Variants in SLC14A2 observed in about 807,000 individuals in gnomAD.
The protein encoded by SLC14A2 is urea transporter 2.
Under a neutral mutation model 104.6 loss-of-function variants are expected in SLC14A2, and 91 were observed. That is an observed-to-expected ratio of 0.87 (90% CI 0.73 to 1.04). The LOEUF is 1.04. SLC14A2 is among the 50% of genes least tolerant of loss of function. SLC14A2 has a pLI of 0.00. For missense variants in SLC14A2, 1,189 were observed against 1,156.0 expected (o/e 1.03, Z -0.41); for synonymous variants, 476 against 466.4 (o/e 1.02, Z -0.27).
chr18:45,248,343 A>C (rs1416163231), intron 1 of SLC14A2, among the ~76,000 whole-genome samples: 1 of 152,124 alleles, frequency 6.6e-6, no homozygotes, highest in Non-Finnish European at 1.5e-5. Context: ...TCTGTTCTTG[A>C]GACATGAGGG....
At chr18:45,409,863 A>G (rs562416485) in intron 1 of SLC14A2, among the ~76,000 whole-genome samples, 2 of 152,318 alleles carry the variant, frequency 1.3e-5, no homozygotes, top group South Asian at 2.1e-4. Flanking sequence ...GGATGATTCA[A>G]GCACATTACA....
Position 45,624,743 on chromosome 18 carries a change from A to G in SLC14A2, c.79A>G (p.Ser27Gly). The change falls in exon 2 of 20, where the codon AGC becomes GGC. Residue 27 changes from serine to glycine, a missense_variant. Transcript: ENST00000255226. ...RYKLYEAEFTSPSWPSTSPDT... is the reference protein window; with the variant it reads ...RYKLYEAEFTGPSWPSTSPDT... ...CAAACTCTACGAGGCAGAGTTTACC[A>G]GCCCGAGCTGGCCCTCGACATCCCC... 6.2e-7 allele frequency: 1 copy of G among 1,613,546 alleles called. No homozygotes were observed. The highest frequency in any genetic ancestry group is 8.5e-7 in the Non-Finnish European group (1 of 1,179,796).
intron 1 of SLC14A2, among the ~76,000 whole-genome samples, chr18:45,336,199 C>T (rs1019994279): frequency 2.7e-4 from 41 of 152,200 alleles, no homozygotes; most frequent in African/African-American, 9.2e-4. Context: ...TGGACACCCA[C>T]TTTCTTGTTG....
chr18:45,464,949 T>C (rs754693079), intron 1 of SLC14A2, among the ~76,000 whole-genome samples: 2 of 152,022 alleles, frequency 1.3e-5, no homozygotes, highest in Admixed American at 6.6e-5. Context: ...GACAGCATCA[T>C]GGCAGTGAGA....
chr18:45,297,132 T>C (rs1465130279), intron 1 of SLC14A2, among the ~76,000 whole-genome samples: 1 of 152,214 alleles, frequency 6.6e-6, no homozygotes, highest in Non-Finnish European at 1.5e-5. Flanking sequence ...AAGAAAGATA[T>C]TGGACATTAA....
chr18:45,665,190 G>A (rs2045996172), intron 11 of SLC14A2, among the ~76,000 whole-genome samples: 1 of 152,158 alleles, frequency 6.6e-6, no homozygotes, highest in Non-Finnish European at 1.5e-5. Context: ...CCCTTCTAGT[G>A]TTTTGACACC....
At chr18:45,634,774 G>A (rs752037233) in intron 5 of SLC14A2, 1 of 456,228 alleles carries the variant, frequency 2.2e-6, no homozygotes, top group South Asian at 1.6e-5. Flanking sequence ...TTTAGGCAGA[G>A]ATGTGATGGG....
At chr18:45,623,375 G>A (rs1599077995) in intron 1 of SLC14A2, among the ~76,000 whole-genome samples, 1 of 152,354 alleles carries the variant, frequency 6.6e-6, no homozygotes, top group South Asian at 2.1e-4. Flanking sequence ...TAAAGTTACT[G>A]GAGGGGGATG....
intron 1 of SLC14A2, among the ~76,000 whole-genome samples, chr18:45,321,172 G>A (rs2085181263): frequency 1.3e-5 from 2 of 152,124 alleles, no homozygotes. Context: ...CAAATCCCTG[G>A]GCTTCCCCAA....
chr18:45,350,172 A>AG (rs2085488491), intron 1 of SLC14A2, among the ~76,000 whole-genome samples: 1 of 152,256 alleles, frequency 6.6e-6, no homozygotes, highest in Non-Finnish European at 1.5e-5. Flanking sequence ...CTATGACTGA[A>AG]GGTAGCCAGA....
At chr18:45,492,979 C>T (rs1488823794) in intron 2 of SLC14A2, 13 of 152,312 alleles carry the variant, frequency 8.5e-5, no homozygotes, top group East Asian at 3.9e-4. Flanking sequence ...GAAACTTTTT[C>T]GCCCTGCATA....
chr18:45,327,402 C>T (rs1284713335), intron 1 of SLC14A2, among the ~76,000 whole-genome samples: 1 of 152,152 alleles, frequency 6.6e-6, no homozygotes, highest in Non-Finnish European at 1.5e-5. Flanking sequence ...CTAAATGAGA[C>T]AGCTCAGTGG....
chr18:45,417,101 G>A (rs566617610), intron 1 of SLC14A2, among the ~76,000 whole-genome samples: 1 of 152,264 alleles, frequency 6.6e-6, no homozygotes, highest in Admixed American at 6.5e-5. Flanking sequence ...GCTAGGGGTT[G>A]GTGGGTTTAA....
At chr18:45,296,958 A>G (rs151032593) in intron 1 of SLC14A2, among the ~76,000 whole-genome samples, 117 of 152,130 alleles carry the variant, frequency 7.7e-4, no homozygotes, top group African/African-American at 2.7e-3. Context: ...AGGTATTTTG[A>G]TACTGAATCA....
At chr18:45,372,698 A>G (rs1019005623) in intron 1 of SLC14A2, among the ~76,000 whole-genome samples, 2 of 152,196 alleles carry the variant, frequency 1.3e-5, no homozygotes, top group South Asian at 2.1e-4. Flanking sequence ...ACTTGTGCCA[A>G]TAATCCATGG....
chr18:45,208,830 G>A (rs1209818446), upstream of SLC14A2, among the ~76,000 whole-genome samples: 1 of 151,844 alleles, frequency 6.6e-6, no homozygotes, highest in African/African-American at 2.4e-5. Flanking sequence ...GGGTTTGGGA[G>A]ACCTGTTGCA....
intron 10 of SLC14A2, among the ~76,000 whole-genome samples, chr18:45,655,395 G>A (rs915695038): frequency 2.0e-5 from 3 of 152,174 alleles, no homozygotes; most frequent in Admixed American, 6.5e-5. Flanking sequence ...GATGTGATAG[G>A]TAGTGTCCGG....
chr18:45,678,268 T>C (rs2046258434), intron 18 of SLC14A2, among the ~76,000 whole-genome samples: 2 of 152,206 alleles, frequency 1.3e-5, no homozygotes, highest in Admixed American at 6.5e-5. Flanking sequence ...ATGAAGACGA[T>C]AATAGTGCTT....
intron 1 of SLC14A2, among the ~76,000 whole-genome samples, chr18:45,273,072 A>C (rs1218174147): frequency 6.6e-6 from 1 of 152,082 alleles, no homozygotes; most frequent in Non-Finnish European, 1.5e-5. Context: ...TCACTCATCT[A>C]TCTGAAATGT....
Sources: gnomAD v4.1 joint callset for allele counts (sites outside exome capture counted in the v4.1 genomes callset) on GRCh38, gnomAD v4.1.1 for gene constraint, MANE v1.5 for transcripts, NCBI Gene and HGNC (gene_info 2026-07-23, HGNC 2026-07-21) for gene names.